Variants in L3MBTL4 observed in about 807,000 individuals in gnomAD.
L3MBTL4 encodes the protein lethal(3)malignant brain tumor-like protein 4.
L3MBTL4 carries 70 observed loss-of-function variants against 84.5 expected under a neutral mutation model. The observed-to-expected ratio is 0.83, with a 90% CI of 0.68 to 1.01. L3MBTL4 has a LOEUF of 1.01. Ranked by LOEUF, L3MBTL4 falls within the 50% of genes least tolerant of loss-of-function variation. L3MBTL4 has a pLI of 0.00. For missense variants in L3MBTL4, 715 were observed against 754.8 expected, an observed-to-expected ratio of 0.95 and a Z score of 0.62; for synonymous variants, 274 against 259.8, an observed-to-expected ratio of 1.05 and a Z score of -0.52.
intron 16 of L3MBTL4, among the ~76,000 whole-genome samples, chr18:5,971,192 GT>G (rs1030465278): frequency 1.6e-4 from 25 of 152,242 alleles, no homozygotes; most frequent in African/African-American, 5.8e-4. Flanking sequence ...AAATGTGAAT[GT>G]TTTTTAATGA....
At chr18:6,236,403 T>C (rs1047314458) in intron 10 of L3MBTL4, among the ~76,000 whole-genome samples, 9 of 152,236 alleles carry the variant, frequency 5.9e-5, no homozygotes, top group Non-Finnish European at 1.3e-4. Flanking sequence ...ATGTTAATGA[T>C]GGCATAATCC....
At chr18:6,209,825 A>T (rs2046029917) in intron 12 of L3MBTL4, among the ~76,000 whole-genome samples, 1 of 152,260 alleles carries the variant, frequency 6.6e-6, no homozygotes, top group Non-Finnish European at 1.5e-5. Flanking sequence ...GGAATGAAGT[A>T]CTGATATTTA....
chr18:6,331,995 G>C (rs1039629797), intron 1 of L3MBTL4, among the ~76,000 whole-genome samples: 1 of 151,510 alleles, frequency 6.6e-6, no homozygotes, highest in South Asian at 2.1e-4. Flanking sequence ...CACAGTCCCT[G>C]ACCTCCAGGA....
intron 14 of L3MBTL4, among the ~76,000 whole-genome samples, chr18:6,120,062 C>A (rs1248639855): frequency 6.6e-6 from 1 of 152,192 alleles, no homozygotes; most frequent in Non-Finnish European, 1.5e-5. Context: ...CAAGCTGAGT[C>A]TTATGGACTG....
Position 6,196,439 on chromosome 18 carries a change from G to A in L3MBTL4, c.981+16710C>T, listed in dbSNP as rs568284418. 6.6e-5 allele frequency among the ~76,000 whole-genome samples: 10 copies of A among 152,262 alleles called. No individual in the cohort carries two copies. The East Asian group carries it at 9.6e-4, about 15-fold the overall frequency. ...CCCAAAATGCTGGGATTACAGGCAT[G>A]AGCCACCGTGCCCGGCCTAGAGTTC... On this transcript the variant is annotated intron_variant, in intron 12 of 18. Coordinates refer to ENST00000317931, the MANE Select transcript of L3MBTL4 (RefSeq NM_001330559.2).
chr18:6,410,685 G>T (rs1037586789), intron 1 of L3MBTL4, among the ~76,000 whole-genome samples: 1 of 152,154 alleles, frequency 6.6e-6, no homozygotes, highest in Admixed American at 6.5e-5. Context: ...AAAGAAATGA[G>T]ATGCATGCAC....
intron 16 of L3MBTL4, among the ~76,000 whole-genome samples, chr18:5,977,325 A>G (rs1331010965): frequency 3.3e-5 from 5 of 152,130 alleles, no homozygotes; most frequent in Non-Finnish European, 5.9e-5. Flanking sequence ...TAGGCCCCAG[A>G]GTCTTCCACT....
intron 16 of L3MBTL4, among the ~76,000 whole-genome samples, chr18:6,037,807 G>A (rs940837794): frequency 2.0e-5 from 3 of 152,328 alleles, no homozygotes; most frequent in East Asian, 3.9e-4. Flanking sequence ...TCTGCATAAT[G>A]ACATTTGAAA....
intron 16 of L3MBTL4, among the ~76,000 whole-genome samples, chr18:5,992,421 A>T (rs991329030): frequency 3.3e-5 from 5 of 152,172 alleles, no homozygotes; most frequent in Non-Finnish European, 7.4e-5. Flanking sequence ...AGTGTGGGGC[A>T]TGAGGCTGGA....
chr18:6,192,457 A>C (rs781401086), intron 12 of L3MBTL4, among the ~76,000 whole-genome samples: 37 of 152,176 alleles, frequency 2.4e-4, no homozygotes, highest in Non-Finnish European at 4.9e-4. Context: ...GATGTGTGGC[A>C]ACAGGAGCAG....
At chr18:6,312,924 C>CACCTT (rs1405262144) in intron 1 of L3MBTL4, among the ~76,000 whole-genome samples, 4 of 152,150 alleles carry the variant, frequency 2.6e-5, no homozygotes, top group Non-Finnish European at 4.4e-5. Context: ...AACCTCTGAA[C>CACCTT]ACCTTCCCCA....
chr18:6,112,189 C>A (rs1369042831), intron 14 of L3MBTL4, among the ~76,000 whole-genome samples: 1 of 152,152 alleles, frequency 6.6e-6, no homozygotes, highest in Non-Finnish European at 1.5e-5. Flanking sequence ...GCACACACAT[C>A]AATGTGAACT....
intron 12 of L3MBTL4, among the ~76,000 whole-genome samples, chr18:6,180,398 C>G (rs895543784): frequency 8.5e-5 from 13 of 152,232 alleles, no homozygotes; most frequent in African/African-American, 2.6e-4. Context: ...AAGTGCTGTT[C>G]TGTGGTTTTG....
chr18:6,121,889 T>A (rs1282082167), intron 14 of L3MBTL4, among the ~76,000 whole-genome samples: 2 of 152,174 alleles, frequency 1.3e-5, no homozygotes, highest in African/African-American at 4.8e-5. Context: ...TCATTTAGGA[T>A]CAATTTCCCT....
At chr18:6,265,503 G>A (rs529087825) in intron 4 of L3MBTL4, among the ~76,000 whole-genome samples, 138 of 152,266 alleles carry the variant, frequency 9.1e-4, no homozygotes, top group Middle Eastern at 3.4e-3. Flanking sequence ...GGAGGTTAAA[G>A]AAACTATTGT....
At chr18:6,223,099 A>G (rs1183084246) in intron 10 of L3MBTL4, among the ~76,000 whole-genome samples, 2 of 152,070 alleles carry the variant, frequency 1.3e-5, no homozygotes, top group Non-Finnish European at 2.9e-5. Flanking sequence ...AAGTAGGTCC[A>G]GCCAATTGGT....
intron 16 of L3MBTL4, among the ~76,000 whole-genome samples, chr18:6,026,186 T>G (rs16949268): frequency 0.045 from 6,826 of 152,266 alleles, 403 homozygotes; most frequent in Admixed American, 0.16. Context: ...TAACAAAGTA[T>G]GGTTAGAACA....
chr18:5,971,186 G>A (rs1295300893), intron 16 of L3MBTL4, among the ~76,000 whole-genome samples: 1 of 152,240 alleles, frequency 6.6e-6, no homozygotes, highest in Non-Finnish European at 1.5e-5. Flanking sequence ...GTTGGCAAAT[G>A]TGAATGTTTT....
chr18:6,003,226 C>A (rs1185923202), intron 16 of L3MBTL4, among the ~76,000 whole-genome samples: 1 of 149,074 alleles, frequency 6.7e-6, no homozygotes, highest in Non-Finnish European at 1.5e-5. Flanking sequence ...ATATTCCATA[C>A]ACAAACAGTA....
Sources: allele counts gnomAD v4.1 joint callset (sites outside exome capture counted in the v4.1 genomes callset), GRCh38; gene constraint gnomAD v4.1.1; transcripts MANE v1.5; gene names NCBI Gene and HGNC (gene_info 2026-07-23, HGNC 2026-07-21).